The following CSMD1 variants were observed in gnomAD, a reference collection of about 807,000 sequenced individuals.
CSMD1 encodes CUB and Sushi multiple domains 1, also known as CUB and sushi domain-containing protein 1.
A neutral mutation model predicts 417.5 loss-of-function variants in CSMD1; 213 were observed. That is an observed-to-expected ratio of 0.51 (90% CI 0.46 to 0.57). The LOEUF is 0.57. CSMD1 is among the 20% of genes least tolerant of loss of function. The pLI, the probability that CSMD1 is intolerant of heterozygous loss-of-function variation, is 0.00. For missense variants in CSMD1, 6,923 were observed against 4,529.7 expected (o/e 1.53, Z -15.17); for synonymous variants, 2,862 against 1,736.8 (o/e 1.65, Z -16.11).
chr8:3,476,418 C>A (rs1817426788), intron 11 of CSMD1, among the ~76,000 whole-genome samples: 1 of 152,088 alleles, frequency 6.6e-6, no homozygotes, highest in African/African-American at 2.4e-5. Flanking sequence ...TATAAACATT[C>A]ACATGGTATA....
intron 1 of CSMD1, among the ~76,000 whole-genome samples, chr8:4,820,206 C>A (rs929055422): frequency 8.5e-5 from 13 of 152,086 alleles, no homozygotes; most frequent in African/African-American, 3.1e-4. Context: ...TTGGCCTGGA[C>A]AGAGAATGAT....
At chr8:4,340,550 G>T (rs928251810) in intron 3 of CSMD1, among the ~76,000 whole-genome samples, 1 of 152,060 alleles carries the variant, frequency 6.6e-6, no homozygotes, top group Non-Finnish European at 1.5e-5. Context: ...AAGCAGGATT[G>T]TCCAAGGGCA....
intron 3 of CSMD1, among the ~76,000 whole-genome samples, chr8:4,124,896 A>G (rs976189463): frequency 6.6e-6 from 1 of 152,180 alleles, no homozygotes; most frequent in Non-Finnish European, 1.5e-5. Context: ...GAGGGGTTAT[A>G]AGGAGATATA....
chr8:3,839,181 A>G (rs890579509), intron 5 of CSMD1, among the ~76,000 whole-genome samples: 2 of 126,802 alleles, frequency 1.6e-5, no homozygotes, highest in Non-Finnish European at 3.1e-5. Context: ...ATATATTTAT[A>G]TATAATAAAT....
At chr8:4,120,018 G>A (rs546890740) in intron 3 of CSMD1, among the ~76,000 whole-genome samples, 1 of 152,078 alleles carries the variant, frequency 6.6e-6, no homozygotes, top group Non-Finnish European at 1.5e-5. Flanking sequence ...GACGGCAGTT[G>A]ATGATAATTT....
chr8:3,892,017 G>C (rs922828370), intron 5 of CSMD1, among the ~76,000 whole-genome samples: 5 of 89,464 alleles, frequency 5.6e-5, no homozygotes, highest in Admixed American at 1.6e-4. Flanking sequence ...CAACATGATA[G>C]TCGCAAACAA....
intron 53 of CSMD1, among the ~76,000 whole-genome samples, chr8:2,999,373 T>C (rs957392498): frequency 6.6e-6 from 1 of 152,076 alleles, no homozygotes; most frequent in African/African-American, 2.4e-5. Context: ...AGGCTCGTCT[T>C]GAACTCCTGA....
chr8:3,282,626 T>C (rs1370631786), intron 26 of CSMD1, among the ~76,000 whole-genome samples: 2 of 152,168 alleles, frequency 1.3e-5, no homozygotes, highest in Admixed American at 1.3e-4. Flanking sequence ...ACTCTTACTT[T>C]CATATTTTTT....
chr8:3,286,778 G>A (rs2117253025), intron 25 of CSMD1, among the ~76,000 whole-genome samples: 1 of 152,246 alleles, frequency 6.6e-6, no homozygotes, highest in African/African-American at 2.4e-5. Flanking sequence ...TAGGTTGAGT[G>A]TTGACTCTGA....
rs117637411 is a variant in CSMD1, at chr8:4,069,594, G to A, written c.416-37495C>T. Among the ~76,000 whole-genome samples, 720 of 152,264 alleles carry A rather than the reference G, an allele frequency of 4.7e-3. 15 individuals carry two copies. The East Asian group carries it at 0.058, about 12-fold the overall frequency. ...CCATGCAGATGTATCTTGGGCCAGT[G>A]GCCACAGCGTAATACCATCTGGCCT... On this transcript the variant is annotated intron_variant, in intron 3 of 69. Transcript: ENST00000635120.
chr8:4,194,859 A>C (rs1212724736), intron 3 of CSMD1, among the ~76,000 whole-genome samples: 1 of 152,108 alleles, frequency 6.6e-6, no homozygotes, highest in Non-Finnish European at 1.5e-5. Flanking sequence ...CCACTGTATT[A>C]TACCCATTTT....
chr8:4,216,196 T>C (rs185677060), intron 3 of CSMD1, among the ~76,000 whole-genome samples: 2 of 152,182 alleles, frequency 1.3e-5, no homozygotes, highest in Admixed American at 6.5e-5. Flanking sequence ...TTGTCAACAT[T>C]GCGATGGCCT....
chr8:4,447,774 G>T (rs1446175286), intron 2 of CSMD1, among the ~76,000 whole-genome samples: 1 of 152,180 alleles, frequency 6.6e-6, no homozygotes, highest in African/African-American at 2.4e-5. Flanking sequence ...TGTATCAAGT[G>T]TTATAAAAGG....
At chr8:3,780,421 G>C (rs1309942313) in intron 5 of CSMD1, among the ~76,000 whole-genome samples, 1 of 152,186 alleles carries the variant, frequency 6.6e-6, no homozygotes, top group East Asian at 1.9e-4. Flanking sequence ...TATCAACACT[G>C]CTGACTCACT....
intron 5 of CSMD1, among the ~76,000 whole-genome samples, chr8:3,864,091 T>C (rs1031272602): frequency 1.1e-4 from 16 of 152,114 alleles, no homozygotes; most frequent in African/African-American, 3.9e-4. Context: ...ACATACAATA[T>C]TTTCACCTGA....
At chr8:3,530,384 C>T (rs1436049791) in intron 10 of CSMD1, among the ~76,000 whole-genome samples, 2 of 152,138 alleles carry the variant, frequency 1.3e-5, no homozygotes, top group South Asian at 2.1e-4. Context: ...AAGGAAGTTT[C>T]CAATTTCCCT....
At chr8:3,764,309 G>T (rs751311976) in intron 5 of CSMD1, among the ~76,000 whole-genome samples, 5 of 152,120 alleles carry the variant, frequency 3.3e-5, no homozygotes, top group African/African-American at 4.8e-5. Context: ...TGTGCTGTAG[G>T]GAAACTCTCC....
At chr8:3,635,495 T>A (rs947322558) in intron 7 of CSMD1, among the ~76,000 whole-genome samples, 1 of 149,746 alleles carries the variant, frequency 6.7e-6, no homozygotes, top group Admixed American at 6.6e-5. Context: ...TTTTTTTTTT[T>A]TTTTTTGAGA....
chr8:4,029,165 A>C (rs901288612), intron 4 of CSMD1, among the ~76,000 whole-genome samples: 1 of 152,206 alleles, frequency 6.6e-6, no homozygotes, highest in Non-Finnish European at 1.5e-5. Context: ...GAAGGACATA[A>C]ACATTGGCAT....
Sources: allele counts gnomAD v4.1 joint callset (sites outside exome capture counted in the v4.1 genomes callset), GRCh38; gene constraint gnomAD v4.1.1; transcripts MANE v1.5; gene names NCBI Gene and HGNC (gene_info 2026-07-23, HGNC 2026-07-21).